The following GDA variants were observed in gnomAD, a reference collection of about 807,000 sequenced individuals.
GDA encodes the protein cytoplasmic PSD-95 interactor.
GDA carries 18 observed loss-of-function variants against 59.6 expected under a neutral mutation model. The ratio of observed to expected loss-of-function variants is 0.30; its 90% CI spans 0.21 to 0.45. The LOEUF is 0.45. Among genes scored for constraint, GDA ranks in the 20% least tolerant of loss-of-function variants. The pLI is 1.00. For missense variants in GDA, 427 were observed against 552.3 expected, an observed-to-expected ratio of 0.77 and a Z score of 2.27; for synonymous variants, 201 against 201.1, an observed-to-expected ratio of 1.00 and a Z score of 0.00.
chr9:72,174,376 C>G (rs769163331), intron 1 of GDA, among the ~76,000 whole-genome samples: 9 of 152,220 alleles, frequency 5.9e-5, no homozygotes, highest in Admixed American at 3.3e-4. Flanking sequence ...ATCCATCTAG[C>G]ATCATCCTAA....
At chr9:72,235,875 T>A (rs1481725759) in intron 10 of GDA, among the ~76,000 whole-genome samples, 3 of 152,024 alleles carry the variant, frequency 2.0e-5, no homozygotes, top group African/African-American at 7.2e-5. Context: ...AACACTCATC[T>A]GAAGGAAAAA....
intron 1 of GDA, among the ~76,000 whole-genome samples, chr9:72,187,731 G>C (rs1364661699): frequency 1.3e-5 from 2 of 152,174 alleles, no homozygotes. Context: ...TCTGGTGAAG[G>C]CTCAGAAGAA....
intron 10 of GDA, among the ~76,000 whole-genome samples, chr9:72,232,194 C>T (rs1204291057): frequency 6.6e-6 from 1 of 152,108 alleles, no homozygotes; most frequent in Non-Finnish European, 1.5e-5. Flanking sequence ...GTTTTCTGTT[C>T]TTGATGCCTT....
At chr9:72,186,138 C>G (rs1228376784) in intron 1 of GDA, among the ~76,000 whole-genome samples, 1 of 152,088 alleles carries the variant, frequency 6.6e-6, no homozygotes, top group African/African-American at 2.4e-5. Context: ...TCCAGGAAAC[C>G]TTGGGATGAA....
downstream of GDA, among the ~76,000 whole-genome samples, chr9:72,256,440 G>GCTAA (rs1169595764): frequency 6.6e-6 from 1 of 152,216 alleles, no homozygotes; most frequent in Non-Finnish European, 1.5e-5. Flanking sequence ...TGTATAGAGA[G>GCTAA]CTAAGGGTGT....
chr9:72,157,116 T>G (rs1333847812), intron 1 of GDA, among the ~76,000 whole-genome samples: 1 of 142,428 alleles, frequency 7.0e-6, no homozygotes, highest in Non-Finnish European at 1.5e-5. Context: ...CTTAGCTCAC[T>G]GCAACATCCG....
At chr9:72,232,969 A>G (rs2131682599) in intron 10 of GDA, among the ~76,000 whole-genome samples, 1 of 152,344 alleles carries the variant, frequency 6.6e-6, no homozygotes, top group South Asian at 2.1e-4. Context: ...TTAAAAAGGA[A>G]AGGGCGAAGT....
At chr9:72,176,857 A>G (rs1225848331) in intron 1 of GDA, among the ~76,000 whole-genome samples, 2 of 152,104 alleles carry the variant, frequency 1.3e-5, no homozygotes, top group Non-Finnish European at 2.9e-5. Flanking sequence ...TTTTAATTCC[A>G]GGCTTCTTCC....
chr9:72,233,709 C>T (rs138965685), intron 10 of GDA, among the ~76,000 whole-genome samples: 21 of 152,220 alleles, frequency 1.4e-4, no homozygotes, highest in Admixed American at 3.3e-4. Context: ...TGGAAGGCCA[C>T]GGCAGGAGGA....
At chr9:72,241,066 T>G (rs923768970) in intron 10 of GDA, 86 bp from the exon 11 acceptor site, 1 of 897,704 alleles carries the variant, frequency 1.1e-6, no homozygotes, top group Non-Finnish European at 1.7e-6. Flanking sequence ...AAGGACTGAA[T>G]ATCTGTCATA....
At chr9:72,188,416 C>T (rs1832111046) in intron 1 of GDA, among the ~76,000 whole-genome samples, 2 of 152,222 alleles carry the variant, frequency 1.3e-5, no homozygotes, top group Non-Finnish European at 2.9e-5. Context: ...AGCTCTTTCA[C>T]TGCTCCCACC....
At chr9:72,199,570 G>A (rs1016043502) in intron 2 of GDA, among the ~76,000 whole-genome samples, 1 of 152,076 alleles carries the variant, frequency 6.6e-6, no homozygotes, top group South Asian at 2.1e-4. Flanking sequence ...TTAAAAGGGC[G>A]CTCTCCATCT....
chr9:72,210,751 C>G lies in GDA; in HGVS notation c.449C>G (p.Ser150Cys). Reference sequence around the variant, plus strand: ...TTTGCAACAATTCACACTGACTCATCTCTGCTCCTTGCCGACATTACAGGT... The same window carrying G: ...TTTGCAACAATTCACACTGACTCATGTCTGCTCCTTGCCGACATTACAGGT... ...CYFATIHTDS[S>C]LLLADITDKF... The change falls in exon 4 of 14, where the codon TCT (serine) becomes TGT (cysteine). Residue 150 changes from serine to cysteine, a missense_variant. By Grantham distance (112) the Ser-to-Cys change is moderately radical. Coordinates refer to ENST00000358399, the MANE Select transcript of GDA (RefSeq NM_004293.5). 6.2e-7 allele frequency: 1 copy of G among 1,609,478 alleles called. No individual in the cohort carries two copies. The highest frequency in any genetic ancestry group is 8.5e-7 in the Non-Finnish European group (1 of 1,175,838).
chr9:72,200,603 A>T (rs1833865522), intron 2 of GDA, among the ~76,000 whole-genome samples: 2 of 152,092 alleles, frequency 1.3e-5, no homozygotes, highest in Admixed American at 1.3e-4. Context: ...ACATTGGGAA[A>T]TATTATTTGG....
At chr9:72,139,944 C>G (rs181784162) in intron 1 of GDA, among the ~76,000 whole-genome samples, 9 of 152,270 alleles carry the variant, frequency 5.9e-5, no homozygotes, top group Admixed American at 5.2e-4. Context: ...AATCAAAAGC[C>G]TGTACCTACC....
chr9:72,237,860 A>C (rs1193820781), intron 10 of GDA, among the ~76,000 whole-genome samples: 4 of 151,970 alleles, frequency 2.6e-5, no homozygotes, highest in Non-Finnish European at 5.9e-5. Context: ...TATCTCCTTG[A>C]ACCATCCCCT....
rs947189293 is a variant in GDA at position 72,200,015 on chromosome 9, T to C, written c.213-2556T>C. On this transcript the variant is annotated intron_variant, in intron 2 of 13. Coordinates refer to ENST00000358399, the MANE Select transcript of GDA (RefSeq NM_004293.5). ...CTTTCTTTTTTTTTTTTTTTTTTTT[T>C]GAGATGGAGTCTCGCTCTGTCACCC... 3.4e-5 allele frequency among the ~76,000 whole-genome samples: 5 copies of C among 147,494 alleles called. No homozygotes were observed. The East Asian group carries it at 9.8e-4, about 29-fold the overall frequency.
At chr9:72,147,548 C>G (rs1826700620), upstream of GDA, among the ~76,000 whole-genome samples, 1 of 152,134 alleles carries the variant, frequency 6.6e-6, no homozygotes. Context: ...TATATTTCTC[C>G]TGTTGTTTTT....
At chr9:72,151,316 C>A (rs967510547) in intron 1 of GDA, among the ~76,000 whole-genome samples, 7 of 152,120 alleles carry the variant, frequency 4.6e-5, no homozygotes, top group African/African-American at 1.7e-4. Flanking sequence ...TAGTCAGTGG[C>A]TGGAATGTAT....
Sources: gnomAD v4.1 joint callset for allele counts (sites outside exome capture counted in the v4.1 genomes callset) on GRCh38, gnomAD v4.1.1 for gene constraint, MANE v1.5 for transcripts, NCBI Gene and HGNC (gene_info 2026-07-23, HGNC 2026-07-21) for gene names.